MAP2K5: variants seen among roughly 807,000 people sequenced by gnomAD.
MAP2K5 encodes the protein dual specificity mitogen-activated protein kinase kinase 5.
A neutral mutation model predicts 83.1 loss-of-function variants in MAP2K5; 49 were observed. The ratio of observed to expected loss-of-function variants is 0.59; its 90% confidence interval spans 0.47 to 0.75. The LOEUF is 0.75. Among genes scored for constraint, MAP2K5 ranks in the 30% least tolerant of loss-of-function variants. MAP2K5 has a pLI of 0.00. For missense variants in MAP2K5, 457 were observed against 557.5 expected, an observed-to-expected ratio of 0.82 and a Z score of 1.82; for synonymous variants, 202 against 191.8, an observed-to-expected ratio of 1.05 and a Z score of -0.44.
chr15:67,798,734 T>G (rs1394580731), intron 21 of MAP2K5, among the ~76,000 whole-genome samples: 1 of 152,174 alleles, frequency 6.6e-6, no homozygotes, highest in African/African-American at 2.4e-5. Context: ...AAACATCTAT[T>G]TCTATAGCAA....
In MAP2K5 at chr15:67,801,397, C is replaced by A. The variant is rs2090704185; in HGVS notation, c.1243-5249C>A. The stretch of plus-strand genomic sequence containing the variant: ...AACAGGTTCATGAGTCCTTGGCCTC[C>A]TATCCCATGCAGCATCCTTGGTGGG... On this transcript the variant is annotated intron_variant, in intron 21 of 21. Transcript: ENST00000178640. This position sits in a 1 kb window ranked among gnomAD's most constrained non-coding sequence, Gnocchi z 4.8. 6.6e-6 allele frequency among the ~76,000 whole-genome samples: 1 copy of A among 152,142 alleles called. No homozygotes were observed. The highest frequency in any genetic ancestry group is 2.4e-5 in the African/African-American group (1 of 41,426).
rs1452899441 is a variant in MAP2K5 at position 67,555,945 on chromosome 15, G to A, written c.184+5863G>A. Among the ~76,000 whole-genome samples the A allele has an allele frequency of 6.6e-6, 1 of 151,856 alleles. No individual in the cohort carries two copies. Among genetic ancestry groups the A allele is most frequent in the Admixed American group, 6.6e-5 (1 of 15,234 alleles). On this transcript the variant is annotated intron_variant, in intron 2 of 21. Coordinates refer to ENST00000178640, the MANE Select transcript of MAP2K5 (RefSeq NM_145160.3). The surrounding 1 kb of genome is among the most constrained non-coding windows in gnomAD (Gnocchi z 5.2). Reference sequence around the variant, plus strand: ...ACTACAGGCATGCGCCACCACACCCGGCTAATTTTTTTGTATTTTTAGTAG... The same window carrying A: ...ACTACAGGCATGCGCCACCACACCCAGCTAATTTTTTTGTATTTTTAGTAG...
chr15:67,583,781 G>A (rs1220950756), intron 4 of MAP2K5, among the ~76,000 whole-genome samples: 4 of 151,714 alleles, frequency 2.6e-5, no homozygotes, highest in Non-Finnish European at 5.9e-5. Context: ...TGGAGACAGA[G>A]TCTCACTCTA....
intron 13 of MAP2K5, among the ~76,000 whole-genome samples, chr15:67,684,756 G>T (rs7172395): frequency 0.016 from 2,495 of 152,100 alleles, 59 homozygotes; most frequent in African/African-American, 0.057. Context: ...GAGAGAAATG[G>T]AAGACAAACA....
At chr15:67,607,310 A>G (rs1371792829) in intron 8 of MAP2K5, among the ~76,000 whole-genome samples, 2 of 152,254 alleles carry the variant, frequency 1.3e-5, no homozygotes, top group Non-Finnish European at 2.9e-5. Flanking sequence ...TATTTGTCAA[A>G]TAAAATTAAT....
At position 67,569,024 on chromosome 15, in the gene MAP2K5, A is replaced by C. The variant is rs934601715; in HGVS notation, c.252+5674A>C. The stretch of plus-strand genomic sequence containing the variant: ...CCATCTCAAAAAAAAAAAAAACAAA[A>C]AAAAAAAACAAAACTCTGTGGGCGT... On this transcript the variant is annotated intron_variant, in intron 3 of 21. Coordinates refer to ENST00000178640, the MANE Select transcript of MAP2K5 (RefSeq NM_145160.3). Among the ~76,000 whole-genome samples, 117 of 151,806 alleles carry C rather than the reference A, an allele frequency of 7.7e-4. 1 individual carries two copies. The highest frequency in any genetic ancestry group is 2.6e-3 in the African/African-American group (109 of 41,344).
chr15:67,622,144 C>CAAAA (rs11289969), intron 8 of MAP2K5, among the ~76,000 whole-genome samples: 3 of 90,686 alleles, frequency 3.3e-5, no homozygotes, highest in Non-Finnish European at 4.6e-5. Flanking sequence ...GGCTCCATCT[C>CAAAA]AAAAAAAAAA....
chr15:67,773,585 C>G (rs2090181835), intron 21 of MAP2K5, among the ~76,000 whole-genome samples: 1 of 152,316 alleles, frequency 6.6e-6, no homozygotes, highest in Non-Finnish European at 1.5e-5. Flanking sequence ...TAAACAGTTT[C>G]AGTGCCCCAA....
chr15:67,781,905 G>A lies in MAP2K5; in HGVS notation c.1242+9153G>A, dbSNP rs1331413805. On this transcript the variant is annotated intron_variant, in intron 21 of 21. Transcript: ENST00000178640. The surrounding 1 kb of genome is among the most constrained non-coding windows in gnomAD (Gnocchi z 4.0). The stretch of plus-strand genomic sequence containing the variant: ...ATTGACAAAAATTTGTATAAATAGG[G>A]TACATTTTTTCCACTTAAGAGGGCT... 6.6e-6 allele frequency among the ~76,000 whole-genome samples: 1 copy of A among 152,268 alleles called. No individual in the cohort carries two copies. The highest frequency in any genetic ancestry group is 2.4e-5 in the African/African-American group (1 of 41,526).
In MAP2K5 at chr15:67,806,691, G is replaced by C; in HGVS notation, c.1288G>C (p.Val430Leu). The change falls in exon 22 of 22, where the codon GTG (valine) becomes CTG (leucine). Residue 430 changes from valine to leucine, a missense_variant. Transcript: ENST00000178640. ...GTTCAATGATGGAAATGCCGCCGTGGTGTCCATGTGGGTGTGCCGGGCGCT... is the reference window on the plus strand; with the variant it reads ...GTTCAATGATGGAAATGCCGCCGTGCTGTCCATGTGGGTGTGCCGGGCGCT... ...VQFNDGNAAV[V>L]SMWVCRALEE... 6.4e-7 allele frequency: 1 copy of C among 1,551,778 alleles called. No individual in the cohort carries two copies. Among genetic ancestry groups the C allele is most frequent in the Non-Finnish European group, 8.7e-7 (1 of 1,147,528 alleles).
At chr15:67,617,782 C>G (rs2086087430) in intron 8 of MAP2K5, among the ~76,000 whole-genome samples, 1 of 152,198 alleles carries the variant, frequency 6.6e-6, no homozygotes, top group African/African-American at 2.4e-5. Flanking sequence ...GCATCAACCT[C>G]CCAGGCTCAA....
intron 1 of MAP2K5, among the ~76,000 whole-genome samples, chr15:67,544,712 G>A (rs1163559571): frequency 6.6e-6 from 1 of 152,198 alleles, no homozygotes; most frequent in African/African-American, 2.4e-5. Flanking sequence ...AGTTAAGAGT[G>A]GGCAAGGTGG....
chr15:67,689,275 C>G (rs2088037149), intron 13 of MAP2K5, among the ~76,000 whole-genome samples: 1 of 152,052 alleles, frequency 6.6e-6, no homozygotes, highest in Non-Finnish European at 1.5e-5. Flanking sequence ...TATGCTTTGT[C>G]CCATATGTTA....
Position 67,665,112 on chromosome 15 carries a change from C to T in MAP2K5, c.847+467C>T, listed in dbSNP as rs1379565812. ...GGCCAGGTTGTTGTTAAACCCCTAG[C>T]CTCAAGCAGTCCTCCTACCTTGGCC... On this transcript the variant is annotated intron_variant, in intron 13 of 21. Coordinates refer to ENST00000178640, the MANE Select transcript of MAP2K5 (RefSeq NM_145160.3). The surrounding 1 kb of genome is among the most constrained non-coding windows in gnomAD (Gnocchi z 4.2). Among the ~76,000 whole-genome samples the T allele has an allele frequency of 6.6e-6, 1 of 152,108 alleles. No individual in the cohort carries two copies. Among genetic ancestry groups the T allele is most frequent in the African/African-American group, 2.4e-5 (1 of 41,416 alleles).
rs2085162836 is a variant in MAP2K5 at position 67,580,765 on chromosome 15, A to C, written c.264A>C (p.Thr88=). ...MKAMLSYYYS[T]VMEQQVNGQL... is the part of the protein sequence containing the mutation. ...TAATCTCTTTGCAGTATTATTCCAC[A>C]GTAATGGAACAGCAAGTAAATGGAC... Residue 88 remains threonine, a synonymous_variant, in exon 4 of 22, where the codon ACA becomes ACC. Transcript: ENST00000178640. 6.2e-7 allele frequency: 1 copy of C among 1,600,410 alleles called. No homozygotes were observed. Among genetic ancestry groups the C allele is most frequent in the Non-Finnish European group, 8.6e-7 (1 of 1,168,732 alleles).
rs1401805988 is a variant in MAP2K5 at position 67,747,887 on chromosome 15, G to C, written c.1075-344G>C. On this transcript the variant is annotated intron_variant, in intron 17 of 21. Coordinates refer to ENST00000178640, the MANE Select transcript of MAP2K5 (RefSeq NM_145160.3). This position sits in a 1 kb window ranked among gnomAD's most constrained non-coding sequence, Gnocchi z 4.1. ...AAAAAGAGTGAGCTTCGTAACATTA[G>C]CAATGATTGCAACATTAAGCCCAGT... Among the ~76,000 whole-genome samples, 1 of 152,160 alleles carries C rather than the reference G, an allele frequency of 6.6e-6. No homozygotes were observed. The highest frequency in any genetic ancestry group is 2.4e-5 in the African/African-American group (1 of 41,418).
rs1428223423 is a variant in MAP2K5 at position 67,652,798 on chromosome 15, C to T, written c.737-5755C>T. Among the ~76,000 whole-genome samples the T allele has an allele frequency of 6.6e-6, 1 of 152,158 alleles. No homozygotes were observed. The highest frequency in any genetic ancestry group is 1.9e-4 in the East Asian group (1 of 5,206). ...CTATTAAATAAGAACTCCTCATTCACCCCCGCTCCCAGCCCCTGGCAAACA... is the reference window on the plus strand; with the variant it reads ...CTATTAAATAAGAACTCCTCATTCATCCCCGCTCCCAGCCCCTGGCAAACA... On this transcript the variant is annotated intron_variant, in intron 11 of 21. Coordinates refer to ENST00000178640, the MANE Select transcript of MAP2K5 (RefSeq NM_145160.3). The surrounding 1 kb of genome is among the most constrained non-coding windows in gnomAD (Gnocchi z 4.2).
At chr15:67,598,165 A>G (rs1484610203) in intron 7 of MAP2K5, among the ~76,000 whole-genome samples, 1 of 151,960 alleles carries the variant, frequency 6.6e-6, no homozygotes, top group Non-Finnish European at 1.5e-5. Context: ...AGTTCACACC[A>G]CTATACTTCA....
intron 19 of MAP2K5, among the ~76,000 whole-genome samples, chr15:67,762,184 GA>G (rs1380886286): frequency 5.3e-5 from 8 of 152,220 alleles, no homozygotes; most frequent in African/African-American, 1.9e-4. Flanking sequence ...AGGCTGCAGA[GA>G]AAGAGGACAA....
Sources: gnomAD v4.1 joint callset for allele counts (sites outside exome capture counted in the v4.1 genomes callset) on GRCh38, gnomAD v4.1.1 for gene constraint, Gnocchi (gnomAD v3.1) non-coding constraint, MANE v1.5 for transcripts, NCBI Gene and HGNC (gene_info 2026-07-23, HGNC 2026-07-21) for gene names.